CHSY3: variants seen among roughly 807,000 people sequenced by gnomAD.
CHSY3 encodes the protein chondroitin sulfate synthase 3.
CHSY3 carries 35 observed loss-of-function variants against 67.2 expected under a neutral mutation model. That is an observed-to-expected ratio of 0.52 (90% CI 0.40 to 0.69). CHSY3 has a LOEUF of 0.69. CHSY3 is among the 30% of genes least tolerant of loss of function. The pLI, the probability that CHSY3 is intolerant of heterozygous loss-of-function variation, is 0.00. For missense variants in CHSY3, 1,069 were observed against 1,138.5 expected (o/e 0.94, Z 0.88); for synonymous variants, 474 against 434.7 (o/e 1.09, Z -1.12).
intron 2 of CHSY3, among the ~76,000 whole-genome samples, chr5:130,079,799 C>G (rs1766387812): frequency 6.6e-6 from 1 of 151,998 alleles, no homozygotes; most frequent in African/African-American, 2.4e-5. Context: ...GCAGCAATTA[C>G]TGATTATTTT....
chr5:130,029,004 C>G (rs1188222870), intron 2 of CHSY3, among the ~76,000 whole-genome samples: 1 of 151,934 alleles, frequency 6.6e-6, no homozygotes, highest in African/African-American at 2.4e-5. Flanking sequence ...GCTTCTTTAT[C>G]TATTCTGTCT....
Position 129,998,305 on chromosome 5 carries a change from G to A in CHSY3, c.1086+89945G>A, listed in dbSNP as rs570513327. On this transcript the variant is annotated intron_variant, in intron 2 of 2. Coordinates refer to ENST00000305031, the MANE Select transcript of CHSY3 (RefSeq NM_175856.5). ...GTATCTTTAAGATCCTTGTTCATTAGTATATGAGGAACTAATTTTATTAAA... is the reference window on the plus strand; with the variant it reads ...GTATCTTTAAGATCCTTGTTCATTAATATATGAGGAACTAATTTTATTAAA... Among the ~76,000 whole-genome samples, 2 of 152,096 alleles carry A rather than the reference G, an allele frequency of 1.3e-5. 1 individual carries two copies. The highest frequency in any genetic ancestry group is 1.3e-4 in the Admixed American group (2 of 15,264).
chr5:130,013,474 T>C lies in CHSY3; in HGVS notation c.1086+105114T>C, dbSNP rs147687289. Among the ~76,000 whole-genome samples the C allele has an allele frequency of 2.9e-3, 435 of 152,242 alleles. 3 individuals carry two copies. The highest frequency in any genetic ancestry group is 9.9e-3 in the African/African-American group (410 of 41,542). On this transcript the variant is annotated intron_variant, in intron 2 of 2. Coordinates refer to ENST00000305031, the MANE Select transcript of CHSY3 (RefSeq NM_175856.5). Reference sequence around the variant, plus strand: ...CTGGATATCCAGGCATTTCCATACATCCTCTGAAATCTAAGTGGAGGTTCC... The same window carrying C: ...CTGGATATCCAGGCATTTCCATACACCCTCTGAAATCTAAGTGGAGGTTCC...
chr5:129,976,137 A>G (rs1762801073), intron 2 of CHSY3, among the ~76,000 whole-genome samples: 2 of 152,130 alleles, frequency 1.3e-5, no homozygotes, highest in Non-Finnish European at 2.9e-5. Flanking sequence ...GAAAATGTCT[A>G]TATCCTTAGA....
At chr5:129,926,969 A>G (rs1025856638) in intron 2 of CHSY3, among the ~76,000 whole-genome samples, 16 of 151,972 alleles carry the variant, frequency 1.1e-4, no homozygotes, top group Non-Finnish European at 1.6e-4. Context: ...ACAGTATACC[A>G]CAAATTGGTT....
intron 2 of CHSY3, among the ~76,000 whole-genome samples, chr5:130,167,104 T>TC (rs928531504): frequency 6.6e-6 from 1 of 152,124 alleles, no homozygotes; most frequent in Non-Finnish European, 1.5e-5. Context: ...TCCTTTTTTT[T>TC]CCCCTGCTCC....
chr5:130,012,225 G>T (rs149504846), intron 2 of CHSY3, among the ~76,000 whole-genome samples: 4 of 152,150 alleles, frequency 2.6e-5, no homozygotes, highest in Admixed American at 2.6e-4. Context: ...GCAAAACAGC[G>T]TGGTACTGAT....
chr5:130,055,436 A>G (rs568422686), intron 2 of CHSY3, among the ~76,000 whole-genome samples: 1 of 152,248 alleles, frequency 6.6e-6, no homozygotes, highest in Non-Finnish European at 1.5e-5. Context: ...CCTGGTTTTC[A>G]TTAATAAGTA....
At chr5:130,079,225 C>G (rs924535818) in intron 2 of CHSY3, among the ~76,000 whole-genome samples, 8 of 152,104 alleles carry the variant, frequency 5.3e-5, no homozygotes, top group Non-Finnish European at 1.0e-4. Flanking sequence ...AAGCTCAAAG[C>G]TGAGGTCAGA....
At position 129,908,113 on chromosome 5, in the gene CHSY3, G is replaced by C. The variant is rs766319027; in HGVS notation, c.839G>C (p.Ser280Thr). ...KLEEFLRSLN[S>T]SKPLYLGQTG... Reference sequence around the variant, plus strand: ...GAAGAGTTTCTTAGATCGCTAAACAGCAGTAAGCCTCTCTACCTGGGACAG... The same window carrying C: ...GAAGAGTTTCTTAGATCGCTAAACACCAGTAAGCCTCTCTACCTGGGACAG... Residue 280 changes from serine to threonine, a missense_variant, in exon 2 of 3, where the codon AGC (serine) becomes ACC (threonine). Around this residue, in one of 5 missense-constraint regions of CHSY3, gnomAD observed 216 missense variants for 311.5 expected, o/e 0.69. Coordinates refer to ENST00000305031, the MANE Select transcript of CHSY3 (RefSeq NM_175856.5). The C allele has an allele frequency of 6.2e-7, 1 of 1,614,148 alleles. No homozygotes were observed. The highest frequency in any genetic ancestry group is 1.1e-5 in the South Asian group (1 of 91,070).
intron 2 of CHSY3, among the ~76,000 whole-genome samples, chr5:130,143,820 A>ATATATGTGTGTG (rs1561557400): frequency 7.2e-5 from 9 of 124,152 alleles, no homozygotes; most frequent in African/African-American, 2.7e-4. Context: ...GTATATATAT[A>ATATATGTGTGTG]TATATATATA....
intron 2 of CHSY3, among the ~76,000 whole-genome samples, chr5:130,183,810 G>A (rs1415837984): frequency 6.6e-6 from 1 of 151,800 alleles, no homozygotes; most frequent in Non-Finnish European, 1.5e-5. Context: ...TTAGATAGGA[G>A]GAATAAATTC....
chr5:130,147,995 T>C (rs998928918), intron 2 of CHSY3, among the ~76,000 whole-genome samples: 1 of 152,040 alleles, frequency 6.6e-6, no homozygotes, highest in African/African-American at 2.4e-5. Flanking sequence ...CCTGATCCCC[T>C]CCCTCCTCCC....
At position 130,031,358 on chromosome 5, in the gene CHSY3, T is replaced by A. The variant is rs548546070; in HGVS notation, c.1086+122998T>A. Among the ~76,000 whole-genome samples the A allele has an allele frequency of 3.3e-5, 5 of 152,250 alleles. No individual in the cohort carries two copies. The South Asian group carries it at 1.0e-3, about 32-fold the overall frequency. ...CATACTTTAATGGATTTTATGCATA[T>A]ATGAATTATCTAACTTTGAAATAGT... On this transcript the variant is annotated intron_variant, in intron 2 of 2. Coordinates refer to ENST00000305031, the MANE Select transcript of CHSY3 (RefSeq NM_175856.5).
intron 2 of CHSY3, among the ~76,000 whole-genome samples, chr5:130,042,216 G>A (rs1406328530): frequency 2.0e-5 from 3 of 152,102 alleles, no homozygotes; most frequent in Non-Finnish European, 2.9e-5. Flanking sequence ...AGCCTTGGGG[G>A]CAGAGTGAGA....
At chr5:129,923,576 A>G (rs1408489647) in intron 2 of CHSY3, among the ~76,000 whole-genome samples, 2 of 152,180 alleles carry the variant, frequency 1.3e-5, no homozygotes, top group African/African-American at 4.8e-5. Context: ...GCAGTTATGA[A>G]TAGGGTGGTT....
chr5:130,078,080 A>T (rs1766331139), intron 2 of CHSY3, among the ~76,000 whole-genome samples: 1 of 152,060 alleles, frequency 6.6e-6, no homozygotes, highest in South Asian at 2.1e-4. Flanking sequence ...GAAAACTGAG[A>T]TTTGGAGAGT....
chr5:130,041,980 T>TGTAA (rs1205808304), intron 2 of CHSY3, among the ~76,000 whole-genome samples: 1 of 152,264 alleles, frequency 6.6e-6, no homozygotes, highest in East Asian at 1.9e-4. Flanking sequence ...GGCTCACACC[T>TGTAA]GTAATCCCAG....
intron 2 of CHSY3, among the ~76,000 whole-genome samples, chr5:130,172,412 C>A (rs529957533): frequency 2.3e-4 from 35 of 151,114 alleles, no homozygotes; most frequent in Non-Finnish European, 3.5e-4. Flanking sequence ...CTCACTGCAG[C>A]CTCGAACTCC....
Sources: gnomAD v4.1 joint callset for allele counts (sites outside exome capture counted in the v4.1 genomes callset) on GRCh38, gnomAD v4.1.1 for gene constraint, gnomAD v4.1.1 regional missense constraint, MANE v1.5 for transcripts, NCBI Gene and HGNC (gene_info 2026-07-23, HGNC 2026-07-21) for gene names.